Variants in ABI3BP observed in about 807,000 individuals in gnomAD.
The protein encoded by ABI3BP is target of Nesh-SH3.
In ABI3BP, 216 loss-of-function variants were observed where a neutral mutation model predicts 268.6. The ratio of observed to expected loss-of-function variants is 0.80; its 90% CI spans 0.72 to 0.90. The LOEUF (loss-of-function observed/expected upper bound fraction) is 0.90. Ranked by LOEUF, ABI3BP falls within the 40% of genes least tolerant of loss-of-function variation. ABI3BP has a pLI of 0.00. For missense variants in ABI3BP, 2,090 were observed against 2,182.4 expected (o/e 0.96, Z 0.84); for synonymous variants, 730 against 730.0 (o/e 1.00, Z 0.00).
At chr3:100,776,365 C>T (rs962751795) in intron 59 of ABI3BP, among the ~76,000 whole-genome samples, 8 of 152,136 alleles carry the variant, frequency 5.3e-5, no homozygotes, top group Non-Finnish European at 8.8e-5. Context: ...CAAGCAAAAC[C>T]CAAGAGAAGT....
chr3:100,982,664 T>A (rs2090111005), intron 1 of ABI3BP, among the ~76,000 whole-genome samples: 1 of 152,044 alleles, frequency 6.6e-6, no homozygotes, highest in Non-Finnish European at 1.5e-5. Flanking sequence ...AAACCTGATA[T>A]GGGAGAGCAT....
chr3:100,836,258 T>A (rs1032262545), intron 27 of ABI3BP, among the ~76,000 whole-genome samples: 6 of 152,166 alleles, frequency 3.9e-5, no homozygotes, highest in Admixed American at 6.5e-5. Context: ...ATAATACAAC[T>A]TTTTGTCTAG....
chr3:100,969,762 G>A (rs2082779565), intron 1 of ABI3BP, among the ~76,000 whole-genome samples: 2 of 152,166 alleles, frequency 1.3e-5, no homozygotes, highest in African/African-American at 4.8e-5. Flanking sequence ...CCACATCTAA[G>A]AGTGTTAACT....
chr3:100,858,361 T>A (rs1052055879), intron 14 of ABI3BP, among the ~76,000 whole-genome samples: 2 of 152,220 alleles, frequency 1.3e-5, no homozygotes, highest in Non-Finnish European at 2.9e-5. Flanking sequence ...ATAGGCTGAA[T>A]GCAGGAAGAA....
Position 100,749,826 on chromosome 3 carries a change from A to ATATT in ABI3BP, c.*665_*668dup, listed in dbSNP as rs2095225447. 7.6e-6 allele frequency: 3 copies of ATATT among 397,264 alleles called. No homozygotes were observed. The South Asian group carries it at 3.9e-4, about 52-fold the overall frequency. 24.6% of individuals were successfully genotyped at this position (397,264 alleles called of 1,614,324 possible). A position where few individuals can be genotyped will look rare whatever the true frequency, so the allele number is the denominator to read the frequency against. ...GTAAAAATGTATCTTTTGAAACAAT[A>ATATT]TATTAGACTCCATTTTTAGCTGAAA... is the stretch of plus-strand genomic sequence containing the variant. On this transcript the variant is annotated 3_prime_UTR_variant, in exon 68 of 68. Transcript: ENST00000471714.
At chr3:100,909,935 T>A (rs981541481) in intron 2 of ABI3BP, among the ~76,000 whole-genome samples, 1 of 152,142 alleles carries the variant, frequency 6.6e-6, no homozygotes, top group African/African-American at 2.4e-5. Context: ...CCCAAAAGAA[T>A]TATAAATCAT....
intron 1 of ABI3BP, among the ~76,000 whole-genome samples, chr3:100,937,951 T>C (rs74822792): frequency 0.042 from 6,426 of 152,130 alleles, 190 homozygotes; most frequent in Non-Finnish European, 0.06. Context: ...CACTAAGATA[T>C]ACAAACTATA....
At chr3:100,899,844 A>G (rs575268523) in intron 3 of ABI3BP, among the ~76,000 whole-genome samples, 1 of 152,362 alleles carries the variant, frequency 6.6e-6, no homozygotes, top group African/African-American at 2.4e-5. Flanking sequence ...TTTGCTCTAG[A>G]AAGAACTTGT....
At chr3:100,780,069 A>C in intron 58 of ABI3BP, 63 bp downstream of exon 58, 6 of 1,495,148 alleles carry the variant, frequency 4.0e-6, no homozygotes, top group African/African-American at 1.4e-5. Flanking sequence ...CAGGAATGAT[A>C]CTGCAGTTAC....
Position 100,811,212 on chromosome 3 carries a change from G to C in ABI3BP, c.3541+18C>G. 6.5e-7 allele frequency: 1 copy of C among 1,530,578 alleles called. No individual in the cohort carries two copies. Among genetic ancestry groups the C allele is most frequent in the Non-Finnish European group, 8.7e-7 (1 of 1,143,814 alleles). The allele number at this position is 1,530,578 out of a possible 1,614,324, so 94.8% of individuals were successfully genotyped here. On this transcript the variant is annotated intron_variant, in intron 48 of 67. Coordinates refer to ENST00000471714, the MANE Select transcript of ABI3BP (RefSeq NM_001375547.2). ...TGAAGACAGAGAGCACCCAGGGTTG[G>C]GCTACCGAGGTTATTACCTAGTGTG...
intron 55 of ABI3BP, 119 bp downstream of exon 55, chr3:100,792,572 A>C: frequency 9.8e-7 from 1 of 1,018,894 alleles, no homozygotes; most frequent in Non-Finnish European, 1.5e-6. Flanking sequence ...CACCTATAAA[A>C]TGACAAAAAA....
chr3:100,844,651 GC>G (rs2098747089), intron 20 of ABI3BP, among the ~76,000 whole-genome samples: 1 of 152,160 alleles, frequency 6.6e-6, no homozygotes, highest in African/African-American at 2.4e-5. Context: ...AATTTAAGAA[GC>G]TAAAATCAAA....
At chr3:100,866,722 T>C (rs2099054009) in intron 10 of ABI3BP, among the ~76,000 whole-genome samples, 157 bp downstream of exon 10, 1 of 152,236 alleles carries the variant, frequency 6.6e-6, no homozygotes, top group Non-Finnish European at 1.5e-5. Context: ...AGCTATTGTT[T>C]TCCCAAACGT....
intron 1 of ABI3BP, among the ~76,000 whole-genome samples, chr3:100,962,718 G>C (rs1013940138): frequency 1.3e-5 from 2 of 152,102 alleles, no homozygotes; most frequent in Non-Finnish European, 2.9e-5. Flanking sequence ...TTCTCTGACT[G>C]GTCCTTTCTG....
At chr3:100,775,061 T>C in intron 60 of ABI3BP, 146 bp downstream of exon 60, 1 of 974,896 alleles carries the variant, frequency 1.0e-6, no homozygotes, top group East Asian at 2.7e-5. Flanking sequence ...AAATAAGTAT[T>C]ATTTTAAAAT....
chr3:100,934,203 A>G (rs751716422), intron 1 of ABI3BP, among the ~76,000 whole-genome samples: 1 of 151,164 alleles, frequency 6.6e-6, no homozygotes, highest in African/African-American at 2.4e-5. Context: ...TCATTGTCCA[A>G]CTCCCACTTA....
chr3:100,766,735 ACT>A (rs1455225883), intron 62 of ABI3BP, among the ~76,000 whole-genome samples: 4 of 152,166 alleles, frequency 2.6e-5, no homozygotes, highest in African/African-American at 7.2e-5. Flanking sequence ...CTCATTTGGG[ACT>A]TAGCTTAATG....
chr3:100,962,415 C>T (rs1215794128), intron 1 of ABI3BP, among the ~76,000 whole-genome samples: 2 of 152,104 alleles, frequency 1.3e-5, no homozygotes, highest in African/African-American at 4.8e-5. Context: ...ACTTGGTCCT[C>T]ATCTTTGACA....
chr3:100,920,954 A>G (rs1208132852), intron 2 of ABI3BP, among the ~76,000 whole-genome samples: 1 of 152,156 alleles, frequency 6.6e-6, no homozygotes, highest in African/African-American at 2.4e-5. Context: ...TTCCTAGAAC[A>G]CAGATTTTAG....
Sources: allele counts gnomAD v4.1 joint callset (sites outside exome capture counted in the v4.1 genomes callset), GRCh38; gene constraint gnomAD v4.1.1; transcripts MANE v1.5; gene names NCBI Gene and HGNC (gene_info 2026-07-23, HGNC 2026-07-21).